Variants in EDIL3 observed in about 807,000 individuals in gnomAD.
EDIL3 encodes EGF like and discoidin domains 3.
In EDIL3, 37 loss-of-function variants were observed where a neutral mutation model predicts 67.4. That is an observed-to-expected ratio of 0.55 (90% CI 0.42 to 0.72). The LOEUF (loss-of-function observed/expected upper bound fraction) is 0.72, where lower values mean the gene tolerates loss of function less well. EDIL3 is among the 30% of genes least tolerant of loss of function. The probability of loss-of-function intolerance (pLI) is 0.00; values close to 1 mark genes in which losing one functional copy is unlikely to be tolerated. For missense variants in EDIL3, 527 were observed against 586.3 expected, an observed-to-expected ratio of 0.90 and a Z score of 1.04; for synonymous variants, 195 against 196.3, an observed-to-expected ratio of 0.99 and a Z score of 0.05.
chr5:84,121,554 T>G (rs772406693), intron 5 of EDIL3, among the ~76,000 whole-genome samples: 11,179 of 151,304 alleles, frequency 0.074, 502 homozygotes, highest in Middle Eastern at 0.13. Flanking sequence ...TCTATCTATC[T>G]ATCTATCTAT....
intron 5 of EDIL3, among the ~76,000 whole-genome samples, chr5:84,133,858 A>T (rs1748041747): frequency 6.6e-6 from 1 of 152,108 alleles, no homozygotes; most frequent in Non-Finnish European, 1.5e-5. Context: ...AATAAATTGT[A>T]TGAATCACAT....
intron 5 of EDIL3, among the ~76,000 whole-genome samples, chr5:84,132,298 ATATATAATATATATTATATATATTT>A (rs1472616176): frequency 5.7e-4 from 53 of 93,486 alleles, no homozygotes; most frequent in Admixed American, 8.9e-4. Context: ...TATATATTTT[ATATATAATATATATTATATATATTT>A]TATATAATAT....
At chr5:84,101,182 G>C (rs1747359400) in intron 6 of EDIL3, among the ~76,000 whole-genome samples, 1 of 151,926 alleles carries the variant, frequency 6.6e-6, no homozygotes, top group Non-Finnish European at 1.5e-5. Context: ...TTTTGTATTT[G>C]AGAGCTTAAA....
At chr5:84,194,981 A>C (rs1041166377) in intron 3 of EDIL3, among the ~76,000 whole-genome samples, 1 of 151,954 alleles carries the variant, frequency 6.6e-6, no homozygotes, top group South Asian at 2.1e-4. Flanking sequence ...TACTATACAG[A>C]ATACGGTCAC....
At chr5:84,122,895 A>T (rs1426474438) in intron 5 of EDIL3, among the ~76,000 whole-genome samples, 1 of 151,954 alleles carries the variant, frequency 6.6e-6, no homozygotes. Flanking sequence ...ATAACATTTA[A>T]TACTTTAGTT....
chr5:84,035,887 T>C (rs1746014449), intron 9 of EDIL3, among the ~76,000 whole-genome samples: 1 of 152,234 alleles, frequency 6.6e-6, no homozygotes, highest in African/African-American at 2.4e-5. Context: ...ATTTTAATTT[T>C]ATTTCTTGTT....
chr5:84,050,573 G>T (rs1469933691), intron 9 of EDIL3, among the ~76,000 whole-genome samples: 1 of 152,324 alleles, frequency 6.6e-6, no homozygotes, highest in Non-Finnish European at 1.5e-5. Flanking sequence ...GCCAAGCAAA[G>T]CTGTGACAGA....
intron 9 of EDIL3, among the ~76,000 whole-genome samples, chr5:84,034,611 G>T (rs765873686): frequency 6.6e-6 from 1 of 152,104 alleles, no homozygotes; most frequent in Non-Finnish European, 1.5e-5. Flanking sequence ...ACAAGGGAGG[G>T]TGTTCATTCA....
chr5:84,132,516 T>C (rs1227446988), intron 5 of EDIL3, among the ~76,000 whole-genome samples: 1 of 76,212 alleles, frequency 1.3e-5, no homozygotes, highest in Non-Finnish European at 2.7e-5. Context: ...ATAATATATA[T>C]TTTAATATAT....
At chr5:83,943,661 G>T in intron 10 of EDIL3, 93 bp from the exon 11 acceptor site, 2 of 1,417,046 alleles carry the variant, frequency 1.4e-6, no homozygotes, top group Non-Finnish European at 1.9e-6. Flanking sequence ...CCCCAAACAT[G>T]ATATTTGATA....
At chr5:84,078,759 T>C (rs572116956) in intron 6 of EDIL3, 1 of 152,186 alleles carries the variant, frequency 6.6e-6, no homozygotes, top group African/African-American at 2.4e-5. Context: ...GGAAAATGAC[T>C]TAAGTATGGC....
At chr5:84,059,734 A>G (rs1378566780) in intron 9 of EDIL3, among the ~76,000 whole-genome samples, 1 of 152,174 alleles carries the variant, frequency 6.6e-6, no homozygotes, top group Admixed American at 6.5e-5. Flanking sequence ...AGAGAATTTC[A>G]TGAAGATTGT....
chr5:84,056,790 C>T (rs1401812417), intron 9 of EDIL3, among the ~76,000 whole-genome samples: 3 of 152,034 alleles, frequency 2.0e-5, no homozygotes, highest in Non-Finnish European at 4.4e-5. Context: ...AGAACTGATG[C>T]ATTTTAGTTA....
At chr5:84,336,765 G>GT (rs1455871839) in intron 1 of EDIL3, among the ~76,000 whole-genome samples, 7 of 152,002 alleles carry the variant, frequency 4.6e-5, no homozygotes, top group African/African-American at 1.7e-4. Context: ...ACAATTTCTG[G>GT]TAAGTTTATT....
At chr5:84,138,924 G>C (rs1273757874) in intron 4 of EDIL3, among the ~76,000 whole-genome samples, 3 of 152,160 alleles carry the variant, frequency 2.0e-5, no homozygotes, top group African/African-American at 7.2e-5. Context: ...TCTCTAAAAA[G>C]ATGGATCTGT....
At chr5:84,239,756 C>CA (rs1744759956) in intron 2 of EDIL3, among the ~76,000 whole-genome samples, 2 of 152,076 alleles carry the variant, frequency 1.3e-5, no homozygotes, top group South Asian at 2.1e-4. Context: ...AATTTTGCAA[C>CA]AAAGAAAAGC....
intron 5 of EDIL3, among the ~76,000 whole-genome samples, chr5:84,107,566 T>C (rs1747486625): frequency 6.6e-6 from 1 of 151,504 alleles, no homozygotes; most frequent in Non-Finnish European, 1.5e-5. Flanking sequence ...ATTCTACATA[T>C]TGGGATTCTG....
At position 84,104,070 on chromosome 5, in the gene EDIL3, A is replaced by G. The variant is rs535826703; in HGVS notation, c.651+2579T>C. ...GTCAGATCATGTCTTTTGCAGGAAC[A>G]TGAATGAAGCTGGAGCAAACTAATT... On this transcript the variant is annotated intron_variant, in intron 6 of 10. Coordinates refer to ENST00000296591, the MANE Select transcript of EDIL3 (RefSeq NM_005711.5). 2.0e-5 allele frequency among the ~76,000 whole-genome samples: 3 copies of G among 152,246 alleles called. No individual in the cohort carries two copies. The South Asian group carries it at 6.2e-4, about 32-fold the overall frequency.
chr5:84,312,553 C>A (rs548378419), intron 1 of EDIL3, among the ~76,000 whole-genome samples: 1 of 138,520 alleles, frequency 7.2e-6, no homozygotes, highest in Non-Finnish European at 1.5e-5. Context: ...GCTGGCCTGG[C>A]GGGGGGCTGA....
Sources: allele counts gnomAD v4.1 joint callset (sites outside exome capture counted in the v4.1 genomes callset), GRCh38; gene constraint gnomAD v4.1.1; transcripts MANE v1.5; gene names NCBI Gene and HGNC (gene_info 2026-07-23, HGNC 2026-07-21).